DNAJB4: variants seen among roughly 807,000 people sequenced by gnomAD.
The protein encoded by DNAJB4 is dnaJ homolog subfamily B member 4.
Under a neutral mutation model 26.6 loss-of-function variants are expected in DNAJB4, and 10 were observed. The observed-to-expected ratio is 0.38, with a 90% CI of 0.23 to 0.64. DNAJB4 has a LOEUF of 0.64. DNAJB4 is among the 30% of genes least tolerant of loss of function. The pLI, the probability that DNAJB4 is intolerant of heterozygous loss-of-function variation, is 0.58. For missense variants in DNAJB4, 328 were observed against 408.2 expected (o/e 0.80, Z 1.69); for synonymous variants, 136 against 134.8 (o/e 1.01, Z -0.06).
intron 1 of DNAJB4, among the ~76,000 whole-genome samples, chr1:77,980,802 G>C (rs1237098104): frequency 6.6e-6 from 1 of 152,074 alleles, no homozygotes; most frequent in Non-Finnish European, 1.5e-5. Flanking sequence ...CCTTTAATCA[G>C]CTTTTAAGGC....
chr1:77,995,569 C>T (rs1316143831), intron 1 of DNAJB4, among the ~76,000 whole-genome samples: 1 of 152,182 alleles, frequency 6.6e-6, no homozygotes, highest in African/African-American at 2.4e-5. Context: ...CCTCCTGCCT[C>T]AGCCTCCCAA....
intron 1 of DNAJB4, among the ~76,000 whole-genome samples, chr1:77,986,155 G>A (rs1659784883): frequency 6.6e-6 from 1 of 152,140 alleles, no homozygotes; most frequent in African/African-American, 2.4e-5. Flanking sequence ...TGATTCTTGT[G>A]CTCTGTTTAT....
chr1:78,001,924 T>A, upstream of DNAJB4, among the ~76,000 whole-genome samples: 1 of 152,242 alleles, frequency 6.6e-6, no homozygotes, highest in East Asian at 1.9e-4. Flanking sequence ...ATGCAAGTGC[T>A]AATTTTTATA....
rs113900344 is a variant in DNAJB4, at chr1:78,013,401, G to A, written c.562G>A (p.Ala188Thr). The change falls in exon 2 of 3, where the codon GCT becomes ACT. Residue 188 changes from alanine (A) to threonine (T), a missense_variant. By Grantham distance (58) the Ala-to-Thr change is moderately conservative (BLOSUM62 0). Coordinates refer to ENST00000370763, the MANE Select transcript of DNAJB4 (RefSeq NM_007034.5). ...GAAGATTTCTCGAAAAAGGCTAAAC[G>A]CTGATGGAAGGAGTTACAGATCTGA... ...RMKISRKRLN[A>T]DGRSYRSEDK... 28 of 1,614,038 alleles carry A rather than the reference G, an allele frequency of 1.7e-5. No individual in the cohort carries two copies. The highest frequency in any genetic ancestry group is 2.7e-5 in the African/African-American group (2 of 74,910).
At chr1:78,010,257 T>C (rs534161271) in intron 1 of DNAJB4, among the ~76,000 whole-genome samples, 18 of 152,300 alleles carry the variant, frequency 1.2e-4, no homozygotes, top group South Asian at 2.1e-4. Flanking sequence ...TTACCCAGTT[T>C]ACTTAACTCA....
At chr1:78,007,310 C>T (rs1283304774) in intron 1 of DNAJB4, among the ~76,000 whole-genome samples, 1 of 152,034 alleles carries the variant, frequency 6.6e-6, no homozygotes, top group Admixed American at 6.6e-5. Flanking sequence ...GGCCAGGCGC[C>T]GTGGCTCATG....
chr1:78,006,765 G>A (rs564559632), intron 1 of DNAJB4, among the ~76,000 whole-genome samples: 1 of 151,974 alleles, frequency 6.6e-6, no homozygotes, highest in African/African-American at 2.4e-5. Context: ...ATCATGACTT[G>A]GTTTATCTCA....
At chr1:77,988,124 A>C (rs1340387895) in intron 1 of DNAJB4, among the ~76,000 whole-genome samples, 1 of 149,392 alleles carries the variant, frequency 6.7e-6, no homozygotes, top group East Asian at 2.0e-4. Context: ...TCCTGTGCTC[A>C]AGCAATCTTG....
chr1:77,990,426 TC>T (rs1160363360), intron 1 of DNAJB4, among the ~76,000 whole-genome samples: 1 of 152,224 alleles, frequency 6.6e-6, no homozygotes, highest in African/African-American at 2.4e-5. Context: ...TCATCCACGT[TC>T]AATTCAAATG....
At chr1:77,992,436 AAG>A (rs1553133873) in intron 1 of DNAJB4, among the ~76,000 whole-genome samples, 5 of 150,732 alleles carry the variant, frequency 3.3e-5, no homozygotes, top group African/African-American at 7.3e-5. Flanking sequence ...AAAAAAAAAA[AAG>A]AACATAACAA....
intron 1 of DNAJB4, among the ~76,000 whole-genome samples, chr1:78,009,258 G>C (rs1189009631): frequency 2.0e-5 from 3 of 152,160 alleles, no homozygotes; most frequent in Non-Finnish European, 4.4e-5. Flanking sequence ...TCCTTGGATG[G>C]AGTAAGAGTT....
At chr1:78,007,401 T>G (rs1400386164) in intron 1 of DNAJB4, among the ~76,000 whole-genome samples, 1 of 151,982 alleles carries the variant, frequency 6.6e-6, no homozygotes, top group African/African-American at 2.4e-5. Flanking sequence ...GCCAACATGG[T>G]GAAACCCTGT....
chr1:78,009,824 C>G (rs1660421499), intron 1 of DNAJB4, among the ~76,000 whole-genome samples: 1 of 152,128 alleles, frequency 6.6e-6, no homozygotes, highest in African/African-American at 2.4e-5. Flanking sequence ...CGAGGTTTCA[C>G]CATGTTGGTC....
At chr1:77,997,330 A>ATCT (rs1354518266) in intron 1 of DNAJB4, among the ~76,000 whole-genome samples, 3 of 149,688 alleles carry the variant, frequency 2.0e-5, no homozygotes, top group African/African-American at 7.5e-5. Flanking sequence ...AAAAAAAAAA[A>ATCT]AAATCTATAT....
chr1:77,979,722 C>G (rs1334780447), upstream of DNAJB4: 14 of 152,184 alleles, frequency 9.2e-5, no homozygotes, highest in Non-Finnish European at 2.9e-5. Flanking sequence ...AGTTCTCGAC[C>G]ATATTTTAAG....
At chr1:78,014,061 A>G (rs953951515) in intron 2 of DNAJB4, among the ~76,000 whole-genome samples, 1 of 151,956 alleles carries the variant, frequency 6.6e-6, no homozygotes, top group African/African-American at 2.4e-5. Flanking sequence ...ATAAATATAT[A>G]CATTTATAAA....
At chr1:78,004,844 T>C, upstream of DNAJB4, 1 of 420,690 alleles carries the variant, frequency 2.4e-6, no homozygotes, top group Non-Finnish European at 4.3e-6. Context: ...TTTGCTGTTC[T>C]AGAAAGTACA....
chr1:77,990,301 C>G (rs1013075704), intron 1 of DNAJB4, among the ~76,000 whole-genome samples: 2 of 152,112 alleles, frequency 1.3e-5, no homozygotes, highest in African/African-American at 4.8e-5. Flanking sequence ...TTGATTCTTT[C>G]CAAAAATTGT....
chr1:77,998,275 T>C (rs1660111734), intron 1 of DNAJB4, among the ~76,000 whole-genome samples: 1 of 152,034 alleles, frequency 6.6e-6, no homozygotes, highest in Non-Finnish European at 1.5e-5. Flanking sequence ...TTGTGGAAAA[T>C]GTGCACTATG....
Sources: gnomAD v4.1 joint callset for allele counts (sites outside exome capture counted in the v4.1 genomes callset) on GRCh38, gnomAD v4.1.1 for gene constraint, MANE v1.5 for transcripts, NCBI Gene and HGNC (gene_info 2026-07-23, HGNC 2026-07-21) for gene names.